The following CAMK2A variants were observed in gnomAD, a reference collection of about 807,000 sequenced individuals.
The protein encoded by CAMK2A is calcium/calmodulin-dependent protein kinase type II subunit alpha.
A neutral mutation model predicts 79.2 loss-of-function variants in CAMK2A; 7 were observed. The observed-to-expected ratio is 0.09, with a 90% confidence interval of 0.05 to 0.17. The LOEUF (loss-of-function observed/expected upper bound fraction) is 0.17. Ranked by LOEUF, CAMK2A falls within the 10% of genes least tolerant of loss-of-function variation. The pLI is 1.00. For synonymous variants in CAMK2A, 242 were observed against 251.7 expected (o/e 0.96, Z 0.36); for missense variants, 214 against 646.4 (o/e 0.33, Z 7.25).
chr5:150,289,466 A>C (rs1458385282), intron 1 of CAMK2A, 98 bp downstream of exon 1: 1 of 929,458 alleles, frequency 1.1e-6, no homozygotes, highest in Admixed American at 1.8e-5. Flanking sequence ...TCTGTGTACA[A>C]GGAATGCTCC....
intron 7 of CAMK2A, 136 bp downstream of exon 7, chr5:150,253,308 G>A: frequency 1.5e-6 from 1 of 684,060 alleles, no homozygotes; most frequent in South Asian, 1.7e-5. Context: ...GTGGGACAGG[G>A]CCTCTGCTCT....
intron 15 of CAMK2A, among the ~76,000 whole-genome samples, chr5:150,236,127 T>G (rs933879417): frequency 6.6e-6 from 1 of 152,178 alleles, no homozygotes; most frequent in Non-Finnish European, 1.5e-5. Flanking sequence ...TACCCCATCC[T>G]GATCGCTCTA....
rs2114005124 is a variant in CAMK2A, at chr5:150,220,115, G to C, written c.*2595C>G. The C allele has an allele frequency of 6.6e-6, 1 of 152,662 alleles. No individual in the cohort carries two copies. The highest frequency in any genetic ancestry group is 1.9e-4 in the East Asian group (1 of 5,182). The allele number at this position is 152,662 out of a possible 1,614,324, so 9.5% of individuals were successfully genotyped here. A position where few individuals can be genotyped will look rare whatever the true frequency, so the allele number is the denominator to read the frequency against. ...TCCACTTCTCTGGCACTTGGAGAGT[G>C]ACACAGTGGACAGGAGGTGTGTCAG... On this transcript the variant is annotated 3_prime_UTR_variant, in exon 19 of 19. Transcript: ENST00000671881.
chr5:150,245,338 G>GCCGCCTCCTCCTCCTCCTCCT (rs1755519711), intron 12 of CAMK2A, 137 bp from the exon 13 acceptor site: 4 of 659,198 alleles, frequency 6.1e-6, no homozygotes, highest in Non-Finnish European at 7.9e-6. Flanking sequence ...CCTGGGGGAG[G>GCCGCCTCCTCCTCCTCCTCCT]CCTCCTCCTC....
At chr5:150,273,028 C>T in intron 2 of CAMK2A, 37 bp downstream of exon 2, 1 of 1,510,336 alleles carries the variant, frequency 6.6e-7, no homozygotes, top group Non-Finnish European at 9.2e-7. Context: ...GAGAGGAGAG[C>T]CCTGGAGGGT....
chr5:150,287,853 G>A (rs1432768514), intron 1 of CAMK2A, among the ~76,000 whole-genome samples: 1 of 152,110 alleles, frequency 6.6e-6, no homozygotes, highest in Non-Finnish European at 1.5e-5. Flanking sequence ...CAGAAAAGCT[G>A]AAAGTCTGCA....
chr5:150,257,749 G>A, intron 3 of CAMK2A, 132 bp from the exon 4 acceptor site: 1 of 711,836 alleles, frequency 1.4e-6, no homozygotes, highest in Non-Finnish European at 2.5e-6. Context: ...CCAGGTGCCA[G>A]GTGCTTTGAC....
At chr5:150,252,769 A>C (rs911747960) in intron 7 of CAMK2A, among the ~76,000 whole-genome samples, 4 of 152,230 alleles carry the variant, frequency 2.6e-5, no homozygotes, top group African/African-American at 9.6e-5. Flanking sequence ...TAATTCTGAC[A>C]CCACTCCTGA....
In CAMK2A at chr5:150,219,683, CAAAG is replaced by C. The variant is rs1754202446; in HGVS notation, c.*3023_*3026del. 6.8e-6 allele frequency: 1 copy of C among 147,446 alleles called. No homozygotes were observed. Among genetic ancestry groups the C allele is most frequent in the African/African-American group, 2.5e-5 (1 of 39,868 alleles). The allele number at this position is 147,446 out of a possible 1,614,324, so 9.1% of individuals were successfully genotyped here. On this transcript the variant is annotated 3_prime_UTR_variant, in exon 19 of 19. Coordinates refer to ENST00000671881, the MANE Select transcript of CAMK2A (RefSeq NM_015981.4). The stretch of plus-strand genomic sequence containing the variant: ...AAACAAAACCCCAAACAAATAGTAA[CAAAG>C]AAACCAGCACGGGGAGTCTGGCAAA...
In CAMK2A at chr5:150,233,523, T is replaced by A. The variant is rs374694892; in HGVS notation, c.1067-2143A>T. Among the ~76,000 whole-genome samples the A allele has an allele frequency of 3.9e-5, 6 of 152,212 alleles. No homozygotes were observed. The South Asian group carries it at 6.2e-4, about 16-fold the overall frequency. Reference sequence around the variant, plus strand: ...CGGGTCACACAGGTGTTGCTGCACCTCTCTCTCTGGGGACTTTCCTGGGGC... The same window carrying A: ...CGGGTCACACAGGTGTTGCTGCACCACTCTCTCTGGGGACTTTCCTGGGGC... On this transcript the variant is annotated intron_variant, in intron 15 of 18. Transcript: ENST00000671881.
intron 1 of CAMK2A, among the ~76,000 whole-genome samples, chr5:150,275,915 C>G (rs1000372889): frequency 4.6e-5 from 7 of 152,206 alleles, no homozygotes; most frequent in African/African-American, 1.7e-4. Context: ...ATCCCCAGCC[C>G]CCCTCCCCTC....
At chr5:150,258,639 T>C (rs1580931100) in intron 3 of CAMK2A, among the ~76,000 whole-genome samples, 2 of 152,338 alleles carry the variant, frequency 1.3e-5, no homozygotes, top group East Asian at 3.9e-4. Context: ...AGGGTGCCTC[T>C]GGGGAGGGGA....
At chr5:150,274,168 T>C (rs1465058693) in intron 1 of CAMK2A, among the ~76,000 whole-genome samples, 1 of 152,220 alleles carries the variant, frequency 6.6e-6, no homozygotes, top group African/African-American at 2.4e-5. Context: ...AATTGTCACA[T>C]TAAGAGTGAA....
At chr5:150,265,111 G>C (rs1414043155) in intron 2 of CAMK2A, 96 bp from the exon 3 acceptor site, 2 of 938,930 alleles carry the variant, frequency 2.1e-6, no homozygotes, top group African/African-American at 3.2e-5. Flanking sequence ...CCACCTCCCA[G>C]GGCAGCCCCT....
At chr5:150,285,687 C>T (rs1363088058) in intron 1 of CAMK2A, among the ~76,000 whole-genome samples, 1 of 152,134 alleles carries the variant, frequency 6.6e-6, no homozygotes, top group Non-Finnish European at 1.5e-5. Context: ...TCTCCAACCC[C>T]AGCTCTGCCT....
At chr5:150,232,994 C>T (rs1435734478) in intron 15 of CAMK2A, among the ~76,000 whole-genome samples, 1 of 152,248 alleles carries the variant, frequency 6.6e-6, no homozygotes, top group Non-Finnish European at 1.5e-5. Flanking sequence ...GGCCCCAGCT[C>T]ACTGTCTGTC....
intron 3 of CAMK2A, among the ~76,000 whole-genome samples, chr5:150,259,193 CTAAAATAAAATAAGA>C (rs1756192812): frequency 1.3e-5 from 2 of 151,126 alleles, no homozygotes; most frequent in East Asian, 1.9e-4. Context: ...AAAATAAAAA[CTAAAATAAAATAAGA>C]TAAAATAAAA....
rs373849502 is a variant in CAMK2A at position 150,252,007 on chromosome 5, C to T, written c.573G>A (p.Gly191=). Residue 191 remains glycine, a synonymous_variant, in exon 8 of 19, where the codon GGG becomes GGA. Transcript: ENST00000671881. ...SPEVLRKDPY[G]KPVDLWACGV... ...CACAAGCCCACAGGTCCACAGGCTT[C>T]CCGTACGGGTCCTTCCGCAGCACTT... The T allele has an allele frequency of 1.7e-5, 28 of 1,613,826 alleles. No individual in the cohort carries two copies. The African/African-American group carries it at 3.6e-4, about 21-fold the overall frequency.
At chr5:150,273,633 C>T (rs1238698136) in intron 1 of CAMK2A, among the ~76,000 whole-genome samples, 2 of 152,204 alleles carry the variant, frequency 1.3e-5, no homozygotes, top group East Asian at 3.8e-4. Context: ...GTCCTTGAGT[C>T]TCTTTCCACA....
Sources: gnomAD v4.1 joint callset for allele counts (sites outside exome capture counted in the v4.1 genomes callset) on GRCh38, gnomAD v4.1.1 for gene constraint, MANE v1.5 for transcripts, NCBI Gene and HGNC (gene_info 2026-07-23, HGNC 2026-07-21) for gene names.